Variants in MMRN2 observed in about 807,000 individuals in gnomAD.
The protein encoded by MMRN2 is multimerin-2.
MMRN2 carries 53 observed loss-of-function variants against 68.8 expected under a neutral mutation model. That is an observed-to-expected ratio of 0.77 (90% confidence interval 0.62 to 0.97). The LOEUF is 0.97. Among genes scored for constraint, MMRN2 ranks in the 50% least tolerant of loss-of-function variants. The pLI, the probability that MMRN2 is intolerant of heterozygous loss-of-function variation, is 0.00. For missense variants in MMRN2, 1,266 were observed against 1,259.5 expected (o/e 1.01, Z -0.08); for synonymous variants, 564 against 551.6 (o/e 1.02, Z -0.32).
At position 86,945,628 on chromosome 10, in the gene MMRN2, T is replaced by C. The variant is rs1318019353; in HGVS notation, c.226A>G (p.Lys76Glu). ...VTLLALCKTE[K>E]FLIHSQQPCP... ...GGCTGCTGCGAGTGGATGAGGAATTTCTCTGTTTTGCAAAGAGCTAGTAAG... is the reference window on the plus strand; with the variant it reads ...GGCTGCTGCGAGTGGATGAGGAATTCCTCTGTTTTGCAAAGAGCTAGTAAG... Residue 76 changes from lysine (K) to glutamate (E), a missense_variant, in exon 2 of 7, where the codon AAA becomes GAA. Coordinates refer to ENST00000372027, the MANE Select transcript of MMRN2 (RefSeq NM_024756.3). 6.2e-7 allele frequency: 1 copy of C among 1,614,032 alleles called. No homozygotes were observed. The highest frequency in any genetic ancestry group is 1.1e-5 in the South Asian group (1 of 91,042).
Position 86,943,463 on chromosome 10 carries a change from T to C in MMRN2, c.1321A>G (p.Thr441Ala). 6.2e-7 allele frequency: 1 copy of C among 1,614,146 alleles called. No homozygotes were observed. ...ATCACGCGCAGCTCACGGAGCGCCG[T>C]GTGGTTCACCTGCAGCTCCTCCACC... Reference protein sequence around the residue: ...RQVEELQVNHTALRELRVILM... With the variant: ...RQVEELQVNHAALRELRVILM... Residue 441 changes from threonine (T) to alanine (A), a missense_variant, in exon 6 of 7, where the codon ACG becomes GCG. Transcript: ENST00000372027. The surrounding 1 kb of genome is among the most constrained non-coding windows in gnomAD (Gnocchi z 4.2).
At chr10:86,956,138 T>G (rs999371668) in intron 1 of MMRN2, among the ~76,000 whole-genome samples, 2 of 52,116 alleles carry the variant, frequency 3.8e-5, no homozygotes, top group African/African-American at 1.5e-4. Flanking sequence ...AGCCCGCCCC[T>G]CCCCCGCCCC....
intron 1 of MMRN2, among the ~76,000 whole-genome samples, chr10:86,956,424 G>A (rs143098809): frequency 2.5e-4 from 38 of 152,318 alleles, no homozygotes; most frequent in Middle Eastern, 3.4e-3. Flanking sequence ...CCGCACAGAA[G>A]TGTAAGTTGG....
In MMRN2 at chr10:86,945,603, G is replaced by A. The variant is rs377532626; in HGVS notation, c.251C>T (p.Pro84Leu). 1.1e-5 allele frequency: 17 copies of A among 1,611,452 alleles called. No homozygotes were observed. The highest frequency in any genetic ancestry group is 6.7e-5 in the East Asian group (3 of 44,856). Residue 84 changes from proline (P) to leucine (L), a missense_variant, in exon 2 of 7, where the codon CCG becomes CTG. Transcript: ENST00000372027. Reference protein sequence around the residue: ...TEKFLIHSQQPCPQGAPDCQK... With the variant: ...TEKFLIHSQQLCPQGAPDCQK... ...GCAGTCTGGAGCTCCCTGCGGACAC[G>A]GCTGCTGCGAGTGGATGAGGAATTT...
chr10:86,945,839 A>G lies in MMRN2; in HGVS notation c.165-150T>C, dbSNP rs772877143. 30 of 1,462,316 alleles carry G rather than the reference A, an allele frequency of 2.1e-5. No homozygotes were observed. In the East Asian group the frequency reaches 6.2e-4, roughly 30 times the overall value. 90.6% of individuals were successfully genotyped at this position (1,462,316 alleles called of 1,614,324 possible). On this transcript the variant is annotated intron_variant, in intron 1 of 6. Transcript: ENST00000372027. Reference sequence around the variant, plus strand: ...GAGAAGAGAGCCTTCCGCATTATTCATCCCTGGGCTCCAGAGCAAATGTTT... The same window carrying G: ...GAGAAGAGAGCCTTCCGCATTATTCGTCCCTGGGCTCCAGAGCAAATGTTT...
rs777692274 is a variant in MMRN2, at chr10:86,945,525, C to G, written c.293+36G>C. On this transcript the variant is annotated intron_variant, in intron 2 of 6. Coordinates refer to ENST00000372027, the MANE Select transcript of MMRN2 (RefSeq NM_024756.3). ...CAGTGATTCCAGGGAGGGCCCGCTCCAGGCCTGGGCAAATGGCCCACCCTC... is the reference window on the plus strand; with the variant it reads ...CAGTGATTCCAGGGAGGGCCCGCTCGAGGCCTGGGCAAATGGCCCACCCTC... The G allele has an allele frequency of 3.1e-5, 49 of 1,565,024 alleles. No individual in the cohort carries two copies. The African/African-American group carries it at 4.2e-4, about 13-fold the overall frequency.
intron 6 of MMRN2, among the ~76,000 whole-genome samples, chr10:86,939,839 T>TTTG (rs1843941862): frequency 1.2e-4 from 14 of 120,374 alleles, no homozygotes; most frequent in South Asian, 2.9e-4. Context: ...GTGTGTGTGT[T>TTTG]TGTGTGTGTG....
intron 1 of MMRN2, among the ~76,000 whole-genome samples, chr10:86,954,713 T>C (rs984220492): frequency 1.3e-5 from 2 of 151,966 alleles, no homozygotes; most frequent in Admixed American, 1.3e-4. Context: ...CAGAGAAGCC[T>C]GAGGCTCTCA....
At position 86,936,865 on chromosome 10, in the gene MMRN2, C is replaced by T; in HGVS notation, c.2728G>A (p.Val910Ile). 2 of 1,614,120 alleles carry T rather than the reference C, an allele frequency of 1.2e-6. No individual in the cohort carries two copies. Among genetic ancestry groups the T allele is most frequent in the East Asian group, 4.5e-5 (2 of 44,880 alleles). ...TGQGSGSTAT[V>I]FAMAELQKGE... ...TTCTGCAGCTCAGCCATGGCAAAGA[C>T]CGTTGCTGTGCTTCCACTCCCCTGC... The change falls in exon 7 of 7, where the codon GTC becomes ATC. Residue 910 changes from valine to isoleucine, a missense_variant. Transcript: ENST00000372027.
At chr10:86,952,729 G>A (rs187865149) in intron 1 of MMRN2, among the ~76,000 whole-genome samples, 2 of 152,204 alleles carry the variant, frequency 1.3e-5, no homozygotes, top group Non-Finnish European at 2.9e-5. Flanking sequence ...ACGTTCAGTG[G>A]TTCCATGTAT....
intron 4 of MMRN2, among the ~76,000 whole-genome samples, chr10:86,944,778 A>C (rs1844041559): frequency 6.6e-6 from 1 of 152,150 alleles, no homozygotes; most frequent in African/African-American, 2.4e-5. Context: ...GCCCAGCCTT[A>C]AAGGGCCCTG....
intron 1 of MMRN2, among the ~76,000 whole-genome samples, chr10:86,946,266 C>T (rs1844067874): frequency 6.6e-6 from 1 of 152,230 alleles, no homozygotes; most frequent in Non-Finnish European, 1.5e-5. Flanking sequence ...AGAGAAGCAC[C>T]AGGTGCCTGG....
Position 86,943,395 on chromosome 10 carries a change from C to A in MMRN2, c.1389G>T (p.Glu463Asp). 6.2e-7 allele frequency: 1 copy of A among 1,614,138 alleles called. No individual in the cohort carries two copies. The highest frequency in any genetic ancestry group is 8.5e-7 in the Non-Finnish European group (1 of 1,180,014). The change falls in exon 6 of 7, where the codon GAG (glutamate) becomes GAT (aspartate). Residue 463 changes from glutamate (E) to aspartate (D), a missense_variant. Coordinates refer to ENST00000372027, the MANE Select transcript of MMRN2 (RefSeq NM_024756.3). This position sits in a 1 kb window ranked among gnomAD's most constrained non-coding sequence, Gnocchi z 4.2. ...KSLIMEENKE[E>D]VERQLLELNL... ...TGAGCTCCAGGAGCTGCCGCTCCAC[C>A]TCCTCCTTGTTCTCCTCCATGATCA... is the stretch of plus-strand genomic sequence containing the variant.
chr10:86,952,047 A>G (rs960867002), intron 1 of MMRN2, among the ~76,000 whole-genome samples: 1 of 152,196 alleles, frequency 6.6e-6, no homozygotes, highest in Non-Finnish European at 1.5e-5. Context: ...TCAAAAGAAA[A>G]AAAGAAAGAA....
Position 86,942,422 on chromosome 10 carries a change from G to A in MMRN2, c.2362C>T (p.Leu788=). Residue 788 remains leucine (L), a synonymous_variant, in exon 6 of 7, where the codon CTG becomes TTG. Transcript: ENST00000372027. ...TTGTCCCTCTTCCGGGGAGCTTCCAGGTCTTTCTGCTGCTTCTTCCCTTTC... is the reference window on the plus strand; with the variant it reads ...TTGTCCCTCTTCCGGGGAGCTTCCAAGTCTTTCTGCTGCTTCTTCCCTTTC... ...SRKGKKQQKD[L]EAPRKRDKKE... 6.2e-7 allele frequency: 1 copy of A among 1,614,190 alleles called. No homozygotes were observed. The highest frequency in any genetic ancestry group is 8.5e-7 in the Non-Finnish European group (1 of 1,180,028).
At chr10:86,938,308 T>TA (rs1441120043) in intron 6 of MMRN2, among the ~76,000 whole-genome samples, 1 of 152,198 alleles carries the variant, frequency 6.6e-6, no homozygotes, top group East Asian at 1.9e-4. Flanking sequence ...ACACAACTAG[T>TA]AAATTACCAA....
In MMRN2 at chr10:86,945,410, C is replaced by G. The variant is rs1489733571; in HGVS notation, c.360G>C (p.Arg120Ser). The G allele has an allele frequency of 3.8e-6, 6 of 1,581,852 alleles. No individual in the cohort carries two copies. Among genetic ancestry groups the G allele is most frequent in the Non-Finnish European group, 5.2e-6 (6 of 1,162,858 alleles). Residue 120 changes from arginine to serine, a missense_variant, in exon 3 of 7, where the codon AGG becomes AGC. Physicochemically the swap from Arg to Ser is moderately radical, Grantham distance 110 (BLOSUM62 -1). Transcript: ENST00000372027. ...KQKVLTSLAWRCCPGYTGPNC... is the reference protein window; with the variant it reads ...KQKVLTSLAWSCCPGYTGPNC... The stretch of plus-strand genomic sequence containing the variant: ...TGGGGCCCGTGTAGCCAGGGCAGCA[C>G]CTCCAGGCCAAAGAGGTCAGCACCT...
rs757305278 is a variant in MMRN2, at chr10:86,943,137, C to CGCGTCCACGGCCAGCGACACG, written c.1626_1646dup (p.Val543_Ala549dup). 2 of 1,580,554 alleles carry CGCGTCCACGGCCAGCGACACG rather than the reference C, an allele frequency of 1.3e-6. No homozygotes were observed. The highest frequency in any genetic ancestry group is 8.6e-7 in the Non-Finnish European group (1 of 1,166,924). ...GCGCCCGCTCGCCCTCCGCTTTGTG[C>CGCGTCCACGGCCAGCGACACG]GCGTCCACGGCCAGCGACACGGCGT... On this transcript the variant is annotated inframe_insertion, in exon 6 of 7. Transcript: ENST00000372027. This position sits in a 1 kb window ranked among gnomAD's most constrained non-coding sequence, Gnocchi z 4.2.
chr10:86,955,197 C>G (rs2133688825), intron 1 of MMRN2, among the ~76,000 whole-genome samples: 1 of 152,280 alleles, frequency 6.6e-6, no homozygotes, highest in Non-Finnish European at 1.5e-5. Context: ...GACACCTTGC[C>G]TGGGGCTCAG....
Sources: allele counts gnomAD v4.1 joint callset (sites outside exome capture counted in the v4.1 genomes callset), GRCh38; gene constraint gnomAD v4.1.1; non-coding constraint Gnocchi (gnomAD v3.1); transcripts MANE v1.5; gene names NCBI Gene and HGNC (gene_info 2026-07-23, HGNC 2026-07-21).